PTTG1IP: variants seen among roughly 807,000 people sequenced by gnomAD.
PTTG1IP encodes PTTG1 interacting protein.
A neutral mutation model predicts 24.4 loss-of-function variants in PTTG1IP; 16 were observed. The ratio of observed to expected loss-of-function variants is 0.66; its 90% confidence interval spans 0.44 to 1.00. PTTG1IP has a LOEUF of 1.00. Ranked by LOEUF, PTTG1IP falls within the 50% of genes least tolerant of loss-of-function variation. The pLI is 0.00. For synonymous variants in PTTG1IP, 89 were observed against 96.8 expected (o/e 0.92, Z 0.47); for missense variants, 241 against 245.8 (o/e 0.98, Z 0.13).
In PTTG1IP at chr21:44,863,861, G is replaced by C. The variant is rs150067155; in HGVS notation, c.168+1534C>G. On this transcript the variant is annotated intron_variant, in intron 2 of 5. Transcript: ENST00000330938. ...TAAGTCCCACAAACTGACAGGGTGT[G>C]TCTCGAACCTACGCTACGGTCTCGT... 1.8e-3 allele frequency among the ~76,000 whole-genome samples: 275 copies of C among 152,334 alleles called. 11 individuals carry two copies. In the East Asian group the frequency reaches 0.046, roughly 25 times the overall value.
At chr21:44,857,996 T>C (rs78670171) in intron 3 of PTTG1IP, among the ~76,000 whole-genome samples, 297 of 152,332 alleles carry the variant, frequency 1.9e-3, no homozygotes, top group Admixed American at 3.3e-3. Context: ...ACCCCTCAGA[T>C]AGCTTTTCTG....
At chr21:44,872,035 G>C (rs1006171338) in intron 1 of PTTG1IP, among the ~76,000 whole-genome samples, 1 of 152,184 alleles carries the variant, frequency 6.6e-6, no homozygotes. Flanking sequence ...AGGAATCACA[G>C]TCAAACAAAA....
chr21:44,866,353 G>C (rs1439628992), intron 1 of PTTG1IP, among the ~76,000 whole-genome samples: 13 of 50,160 alleles, frequency 2.6e-4, no homozygotes, highest in Non-Finnish European at 3.9e-4. Context: ...CACACACACA[G>C]ACTGCCTACT....
At chr21:44,872,632 A>C (rs2146477265) in intron 1 of PTTG1IP, among the ~76,000 whole-genome samples, 1 of 152,252 alleles carries the variant, frequency 6.6e-6, no homozygotes, top group East Asian at 1.9e-4. Flanking sequence ...CAGGCCCTGG[A>C]GGCCCAGCCC....
At chr21:44,858,131 GGAGAGGCCTGAAA>G (rs1195204231) in intron 3 of PTTG1IP, among the ~76,000 whole-genome samples, 4 of 152,236 alleles carry the variant, frequency 2.6e-5, no homozygotes. Context: ...AAAGGATGTG[GGAGAGGCCTGAAA>G]GAGAGGCATC....
At chr21:44,871,067 G>A (rs1224688662) in intron 1 of PTTG1IP, among the ~76,000 whole-genome samples, 5 of 152,364 alleles carry the variant, frequency 3.3e-5, no homozygotes, top group East Asian at 3.9e-4. Flanking sequence ...GAGGCATGGA[G>A]AACAACTACA....
chr21:44,859,299 G>A lies in PTTG1IP; in HGVS notation c.277+1864C>T, dbSNP rs370871806. Among the ~76,000 whole-genome samples, 34 of 152,314 alleles carry A rather than the reference G, an allele frequency of 2.2e-4. No homozygotes were observed. The South Asian group carries it at 2.3e-3, about 10-fold the overall frequency. On this transcript the variant is annotated intron_variant, in intron 3 of 5. Coordinates refer to ENST00000330938, the MANE Select transcript of PTTG1IP (RefSeq NM_004339.4). ...CCCATGGGGGTCCTGACAGGAATTG[G>A]GCCTTCTGAAAGTCCTGGAAGTCCT...
intron 1 of PTTG1IP, among the ~76,000 whole-genome samples, chr21:44,867,372 G>A (rs909139471): frequency 2.6e-5 from 4 of 151,734 alleles, no homozygotes; most frequent in Non-Finnish European, 4.4e-5. Context: ...TGGCTATGCC[G>A]CTCTAGAAAA....
intron 5 of PTTG1IP, among the ~76,000 whole-genome samples, chr21:44,853,502 C>T (rs1256176617): frequency 2.3e-5 from 3 of 128,608 alleles, no homozygotes; most frequent in Non-Finnish European, 3.3e-5. Context: ...GGTGAGACTC[C>T]GTCTCAAAAA....
At chr21:44,864,959 C>T (rs2083523618) in intron 2 of PTTG1IP, among the ~76,000 whole-genome samples, 1 of 152,196 alleles carries the variant, frequency 6.6e-6, no homozygotes, top group African/African-American at 2.4e-5. Context: ...CCCACCGGCC[C>T]AGAGGGCTGG....
intron 3 of PTTG1IP, among the ~76,000 whole-genome samples, chr21:44,856,874 C>A (rs910551255): frequency 6.6e-6 from 1 of 151,976 alleles, no homozygotes; most frequent in African/African-American, 2.4e-5. Flanking sequence ...CGGCCAGGTT[C>A]GAAAAGAATG....
intron 4 of PTTG1IP, among the ~76,000 whole-genome samples, chr21:44,855,883 T>C (rs915796692): frequency 6.6e-6 from 1 of 152,138 alleles, no homozygotes; most frequent in Non-Finnish European, 1.5e-5. Flanking sequence ...TCTTGGCAAA[T>C]GCTGGGCCTG....
chr21:44,867,707 C>A (rs1601257608), intron 1 of PTTG1IP, among the ~76,000 whole-genome samples: 1 of 152,356 alleles, frequency 6.6e-6, no homozygotes, highest in Non-Finnish European at 1.5e-5. Context: ...ACAAATGCAA[C>A]ACAGCAAAGC....
At chr21:44,858,178 C>T (rs560176328) in intron 3 of PTTG1IP, among the ~76,000 whole-genome samples, 67 of 152,344 alleles carry the variant, frequency 4.4e-4, no homozygotes, top group Non-Finnish European at 5.6e-4. Context: ...AAACGGCCAA[C>T]GCTGTAGACA....
chr21:44,861,621 G>T, intron 2 of PTTG1IP: 1 of 678,142 alleles, frequency 1.5e-6, no homozygotes, highest in East Asian at 2.7e-5. Flanking sequence ...TGCCGGTTCT[G>T]CCTGGAGCAC....
intron 3 of PTTG1IP, among the ~76,000 whole-genome samples, chr21:44,856,910 G>A (rs235318): frequency 0.13 from 20,002 of 152,166 alleles, 1,409 homozygotes; most frequent in Middle Eastern, 0.16. Flanking sequence ...ACGAGACCAC[G>A]GAACAAGACG....
intron 5 of PTTG1IP, among the ~76,000 whole-genome samples, chr21:44,854,998 A>T (rs1832917642): frequency 6.6e-6 from 1 of 152,240 alleles, no homozygotes; most frequent in Admixed American, 6.5e-5. Flanking sequence ...GACTTCATGA[A>T]GACGACTGGC....
intron 1 of PTTG1IP, among the ~76,000 whole-genome samples, chr21:44,867,450 T>C (rs2083551161): frequency 6.6e-6 from 1 of 151,998 alleles, no homozygotes; most frequent in African/African-American, 2.4e-5. Context: ...TGGGGGAGGC[T>C]GAATCTTCCA....
Position 44,873,685 on chromosome 21 carries a change from C to T in PTTG1IP, c.-69G>A, listed in dbSNP as rs1191677459. The T allele has an allele frequency of 4.1e-5, 53 of 1,284,840 alleles. No individual in the cohort carries two copies. The highest frequency in any genetic ancestry group is 2.3e-5 in the South Asian group (1 of 43,970). The allele number at this position is 1,284,840 out of a possible 1,614,324, so 79.6% of individuals were successfully genotyped here. A position where few individuals can be genotyped will look rare whatever the true frequency, so the allele number is the denominator to read the frequency against. ...GACTCCAGCACAAGCGGTCTCCGCC[C>T]GGAACAGCCGCGGCGCCGGAAGTGG... On this transcript the variant is annotated 5_prime_UTR_variant, in exon 1 of 6. Transcript: ENST00000330938.
Sources: gnomAD v4.1 joint callset for allele counts (sites outside exome capture counted in the v4.1 genomes callset) on GRCh38, gnomAD v4.1.1 for gene constraint, MANE v1.5 for transcripts, NCBI Gene and HGNC (gene_info 2026-07-23, HGNC 2026-07-21) for gene names.